Variants in HSD17B4 observed in about 807,000 individuals in gnomAD.
HSD17B4 encodes the protein peroxisomal multifunctional enzyme type 2.
In HSD17B4, 70 loss-of-function variants were observed where a neutral mutation model predicts 101.0. The ratio of observed to expected loss-of-function variants is 0.69; its 90% CI spans 0.57 to 0.85. HSD17B4 has a LOEUF of 0.85. HSD17B4 is among the 40% of genes least tolerant of loss of function. The probability of loss-of-function intolerance (pLI) is 0.00; values close to 1 mark genes in which losing one functional copy is unlikely to be tolerated. For synonymous variants in HSD17B4, 347 were observed against 297.1 expected (o/e 1.17, Z -1.73); for missense variants, 984 against 892.4 (o/e 1.10, Z -1.31).
In HSD17B4 at chr5:119,471,166, AT is replaced by A. The variant is rs576140615; in HGVS notation, c.113-2735del. ...GACTGTTAACTGTCTTAAAATCTTG[AT>A]TTTTTTAACTGGTTGTTTCCTGTCA... On this transcript the variant is annotated intron_variant, in intron 2 of 23. Transcript: ENST00000510025. Among the ~76,000 whole-genome samples, 4 of 152,250 alleles carry A rather than the reference AT, an allele frequency of 2.6e-5. No homozygotes were observed. The South Asian group carries it at 8.3e-4, about 32-fold the overall frequency.
At chr5:119,499,175 A>C (rs889684434) in intron 12 of HSD17B4, 142 bp from the exon 13 acceptor site, 1 of 635,922 alleles carries the variant, frequency 1.6e-6, no homozygotes, top group Non-Finnish European at 2.8e-6. Context: ...TTAAAAAATA[A>C]AATATAATTG....
Position 119,458,674 on chromosome 5 carries a change from A to T in HSD17B4, c.112+2306A>T, listed in dbSNP as rs576878613. Among the ~76,000 whole-genome samples, 4 of 152,280 alleles carry T rather than the reference A, an allele frequency of 2.6e-5. No individual in the cohort carries two copies. The East Asian group carries it at 7.7e-4, about 29-fold the overall frequency. On this transcript the variant is annotated intron_variant, in intron 2 of 23. Transcript: ENST00000510025. ...AAAAGTTAGGGGCATCATTTAAGATAGTCTCCAATTTTGTGTTAATATGAT... is the reference window on the plus strand; with the variant it reads ...AAAAGTTAGGGGCATCATTTAAGATTGTCTCCAATTTTGTGTTAATATGAT...
intron 13 of HSD17B4, 151 bp downstream of exon 13, chr5:119,499,704 C>G (rs1303005764): frequency 1.8e-5 from 8 of 440,654 alleles, no homozygotes; most frequent in Non-Finnish European, 3.1e-5. Context: ...TTTGATTTTT[C>G]TTTTTAAGAA....
intron 10 of HSD17B4, chr5:119,493,433 G>T: frequency 4.9e-6 from 1 of 204,258 alleles, no homozygotes; most frequent in South Asian, 8.2e-5. Context: ...ACTCAGCGAA[G>T]CTCTATTCAG....
chr5:119,468,888 C>A (rs257975), intron 2 of HSD17B4, among the ~76,000 whole-genome samples: 55,148 of 149,032 alleles, frequency 0.37, 12,205 homozygotes, highest in East Asian at 0.5. Flanking sequence ...TTGATGTAGT[C>A]TGTTGTTGAA....
At chr5:119,488,139 T>C (rs1749774453) in intron 8 of HSD17B4, among the ~76,000 whole-genome samples, 1 of 152,204 alleles carries the variant, frequency 6.6e-6, no homozygotes, top group Non-Finnish European at 1.5e-5. Flanking sequence ...AAATTGTATC[T>C]CATTTGAGCC....
At chr5:119,471,821 ATTTG>A (rs1280634466) in intron 2 of HSD17B4, 3 of 556,122 alleles carry the variant, frequency 5.4e-6, no homozygotes, top group South Asian at 5.4e-5. Flanking sequence ...TAACTTTGAT[ATTTG>A]TTCTTATTTG....
chr5:119,466,919 T>A (rs1481770858), intron 2 of HSD17B4, among the ~76,000 whole-genome samples: 9 of 152,196 alleles, frequency 5.9e-5, no homozygotes, highest in African/African-American at 2.2e-4. Flanking sequence ...TTTATTGCTA[T>A]AGGCTTTCCT....
At chr5:119,507,666 C>T (rs1047636785) in intron 15 of HSD17B4, among the ~76,000 whole-genome samples, 8 of 151,544 alleles carry the variant, frequency 5.3e-5, no homozygotes, top group Non-Finnish European at 1.2e-4. Flanking sequence ...CGCCTGTAGT[C>T]CCGGCTACTT....
At position 119,456,303 on chromosome 5, in the gene HSD17B4, G is replaced by GT; in HGVS notation, c.59-7dup. On this transcript the variant is annotated splice_polypyrimidine_tract_variant and intron_variant, in intron 1 of 23. Coordinates refer to ENST00000510025, the MANE Select transcript of HSD17B4 (RefSeq NM_000414.4). The stretch of plus-strand genomic sequence containing the variant: ...ATTTCTTCAACTTTCTGATTATTTT[G>GT]TTTTTGATTAGGATTGGGCCGAGCC... 2 of 1,600,268 alleles carry GT rather than the reference G, an allele frequency of 1.2e-6. No individual in the cohort carries two copies. The highest frequency in any genetic ancestry group is 8.6e-7 in the Non-Finnish European group (1 of 1,167,388).
In HSD17B4 at chr5:119,530,068, A is replaced by C. The variant is rs1012877667; in HGVS notation, c.1854+88A>C. 4 of 804,894 alleles carry C rather than the reference A, an allele frequency of 5.0e-6. No homozygotes were observed. The African/African-American group carries it at 6.7e-5, about 14-fold the overall frequency. The allele number at this position is 804,894 out of a possible 1,614,324, so 49.9% of individuals were successfully genotyped here. A position where few individuals can be genotyped will look rare whatever the true frequency, so the allele number is the denominator to read the frequency against. ...TTAAGAGTGGTTAGGCTACGTTAGA[A>C]AATTAACAACCATGAAACTATTCTT... On this transcript the variant is annotated intron_variant, in intron 21 of 23. Transcript: ENST00000510025.
chr5:119,509,553 T>G (rs1272172890), intron 16 of HSD17B4: 1 of 428,282 alleles, frequency 2.3e-6, no homozygotes, highest in Non-Finnish European at 4.4e-6. Flanking sequence ...TAGTTTCTTC[T>G]TCCTCTTCTT....
intron 2 of HSD17B4, among the ~76,000 whole-genome samples, chr5:119,468,057 G>T (rs1251796915): frequency 2.6e-5 from 4 of 151,908 alleles, no homozygotes; most frequent in African/African-American, 9.7e-5. Flanking sequence ...AAGAACTTCT[G>T]TCATTTTGTT....
chr5:119,475,929 T>C (rs1403004353), intron 6 of HSD17B4, 59 bp downstream of exon 6: 5 of 1,268,928 alleles, frequency 3.9e-6, no homozygotes, highest in Non-Finnish European at 5.8e-6. Flanking sequence ...CTTTTTAGTA[T>C]TTGATAAATT....
chr5:119,506,551 C>G (rs1751671173), intron 14 of HSD17B4, among the ~76,000 whole-genome samples: 2 of 152,172 alleles, frequency 1.3e-5, no homozygotes, highest in Non-Finnish European at 2.9e-5. Context: ...ATTGCTGGGT[C>G]AAATGGTATT....
intron 16 of HSD17B4, among the ~76,000 whole-genome samples, chr5:119,512,193 A>G (rs1752237887): frequency 6.6e-6 from 1 of 152,192 alleles, no homozygotes; most frequent in African/African-American, 2.4e-5. Context: ...AAGAAAAGGA[A>G]AAAGAATGAA....
chr5:119,503,528 C>T (rs967060037), intron 14 of HSD17B4, among the ~76,000 whole-genome samples: 6 of 151,980 alleles, frequency 3.9e-5, no homozygotes, highest in Non-Finnish European at 7.4e-5. Context: ...TGCAGAAAAC[C>T]AAGGTCACGA....
intron 8 of HSD17B4, among the ~76,000 whole-genome samples, chr5:119,481,701 C>G (rs1035565704): frequency 6.6e-6 from 1 of 152,078 alleles, no homozygotes; most frequent in Non-Finnish European, 1.5e-5. Context: ...TGAGCACATG[C>G]TGTTGGAAAA....
chr5:119,453,662 C>A (rs1754306796), intron 1 of HSD17B4, among the ~76,000 whole-genome samples: 1 of 152,216 alleles, frequency 6.6e-6, no homozygotes. Context: ...TATGTACTTT[C>A]ATATCTGTAT....
Sources: allele counts gnomAD v4.1 joint callset (sites outside exome capture counted in the v4.1 genomes callset), GRCh38; gene constraint gnomAD v4.1.1; transcripts MANE v1.5; gene names NCBI Gene and HGNC (gene_info 2026-07-23, HGNC 2026-07-21).